NUP153: variants seen among roughly 807,000 people sequenced by gnomAD.
NUP153 encodes the protein nucleoporin 153.
NUP153 carries 27 observed loss-of-function variants against 134.6 expected under a neutral mutation model. That is an observed-to-expected ratio of 0.20 (90% CI 0.15 to 0.28). NUP153 has a LOEUF of 0.28. Ranked by LOEUF, NUP153 falls within the 10% of genes least tolerant of loss-of-function variation. The probability of loss-of-function intolerance (pLI) is 1.00; values close to 1 mark genes in which losing one functional copy is unlikely to be tolerated. For missense variants in NUP153, 1,821 were observed against 1,731.3 expected, an observed-to-expected ratio of 1.05 and a Z score of -0.92; for synonymous variants, 640 against 623.5, an observed-to-expected ratio of 1.03 and a Z score of -0.40.
rs947715155 is a variant in NUP153 at position 17,686,822 on chromosome 6, T to A, written c.334+1574A>T. ...GAAGGTAGGGAAATAGGCGTGCGAATAGAGTATAAACAAGATCAACCGTGA... is the reference window on the plus strand; with the variant it reads ...GAAGGTAGGGAAATAGGCGTGCGAAAAGAGTATAAACAAGATCAACCGTGA... On this transcript the variant is annotated intron_variant, in intron 2 of 21. Coordinates refer to ENST00000262077, the MANE Select transcript of NUP153 (RefSeq NM_005124.4). Among the ~76,000 whole-genome samples, 18 of 140,750 alleles carry A rather than the reference T, an allele frequency of 1.3e-4. No individual in the cohort carries two copies. The East Asian group carries it at 2.7e-3, about 22-fold the overall frequency. 92.3% of individuals were successfully genotyped at this position (140,750 alleles called of 152,430 possible). A position where few individuals can be genotyped will look rare whatever the true frequency, so the allele number is the denominator to read the frequency against.
intron 1 of NUP153, among the ~76,000 whole-genome samples, chr6:17,699,537 C>A (rs1431640562): frequency 1.4e-5 from 2 of 147,760 alleles, no homozygotes; most frequent in Non-Finnish European, 3.0e-5. Context: ...ATACTCTGTG[C>A]CTAATGAAAA....
At chr6:17,658,391 CTCAAAACAGAAA>C (rs1273599902) in intron 11 of NUP153, among the ~76,000 whole-genome samples, 1 of 152,172 alleles carries the variant, frequency 6.6e-6, no homozygotes, top group East Asian at 1.9e-4. Context: ...GCAAGACTGT[CTCAAAACAGAAA>C]ACAAAACAAA....
chr6:17,635,318 C>T (rs1765494066), intron 16 of NUP153, among the ~76,000 whole-genome samples: 1 of 151,958 alleles, frequency 6.6e-6, no homozygotes, highest in Non-Finnish European at 1.5e-5. Flanking sequence ...ACTGTGTTAG[C>T]CAGGATGGTC....
At chr6:17,623,320 T>G (rs961915705) in intron 20 of NUP153, among the ~76,000 whole-genome samples, 6 of 102,744 alleles carry the variant, frequency 5.8e-5, no homozygotes, top group Non-Finnish European at 1.9e-5. Flanking sequence ...AAAGAACCTC[T>G]ACAAACTTAC....
At chr6:17,639,030 C>G (rs144817609) in intron 15 of NUP153, among the ~76,000 whole-genome samples, 1 of 152,156 alleles carries the variant, frequency 6.6e-6, no homozygotes, top group Non-Finnish European at 1.5e-5. Flanking sequence ...TCTTTCTGAG[C>G]TATTAGATTA....
At chr6:17,705,091 C>T (rs1269794372) in intron 1 of NUP153, among the ~76,000 whole-genome samples, 1 of 152,194 alleles carries the variant, frequency 6.6e-6, no homozygotes, top group Non-Finnish European at 1.5e-5. Flanking sequence ...TTGATAATGA[C>T]ACAATTTAAC....
At chr6:17,644,680 C>T (rs1274811909) in intron 14 of NUP153, among the ~76,000 whole-genome samples, 3 of 152,164 alleles carry the variant, frequency 2.0e-5, no homozygotes, top group Admixed American at 6.6e-5. Flanking sequence ...CAGTGGCTCA[C>T]GTCTGTAATC....
At chr6:17,704,142 A>T (rs993168665) in intron 1 of NUP153, among the ~76,000 whole-genome samples, 2 of 152,170 alleles carry the variant, frequency 1.3e-5, no homozygotes, top group African/African-American at 4.8e-5. Context: ...AATACAAAAA[A>T]TTAGCTGGGC....
Position 17,628,931 on chromosome 6 carries a change from C to T in NUP153, c.3268G>A (p.Ala1090Thr). Residue 1090 changes from alanine to threonine, a missense_variant, in exon 18 of 22, where the codon GCC (alanine) becomes ACC (threonine). Ala to Thr is a moderately conservative substitution (Grantham distance 58, BLOSUM62 0). Transcript: ENST00000262077. The surrounding 1 kb of genome is among the most constrained non-coding windows in gnomAD (Gnocchi z 5.4). Reference sequence around the variant, plus strand: ...AACACTGAGGCAGATGGCAGAGAGGCAGGCTCCACGTTGCCAAAAGAGAAT... The same window carrying T: ...AACACTGAGGCAGATGGCAGAGAGGTAGGCTCCACGTTGCCAAAAGAGAAT... ...GGFSFGNVEPASLPSASVFVL... is the reference protein window; with the variant it reads ...GGFSFGNVEPTSLPSASVFVL... The T allele has an allele frequency of 6.2e-7, 1 of 1,614,212 alleles. No homozygotes were observed. The highest frequency in any genetic ancestry group is 8.5e-7 in the Non-Finnish European group (1 of 1,180,036).
intron 14 of NUP153, among the ~76,000 whole-genome samples, chr6:17,643,019 G>A (rs1306716144): frequency 6.6e-6 from 1 of 152,204 alleles, no homozygotes; most frequent in Non-Finnish European, 1.5e-5. Flanking sequence ...GGGGAAGGCA[G>A]AATGGGGAGC....
chr6:17,617,415 C>G (rs996536486), intron 20 of NUP153, among the ~76,000 whole-genome samples: 2 of 145,368 alleles, frequency 1.4e-5, no homozygotes, highest in Non-Finnish European at 3.0e-5. Context: ...CAAACATACC[C>G]AAAATGTTTA....
chr6:17,666,800 C>T (rs1194471789), intron 8 of NUP153, among the ~76,000 whole-genome samples: 28 of 152,234 alleles, frequency 1.8e-4, no homozygotes, highest in Non-Finnish European at 1.5e-5. Context: ...GCTTCTAACT[C>T]TGTCCAAAGA....
At chr6:17,651,658 T>C (rs1221011168) in intron 11 of NUP153, among the ~76,000 whole-genome samples, 1 of 152,204 alleles carries the variant, frequency 6.6e-6, no homozygotes, top group African/African-American at 2.4e-5. Flanking sequence ...GCTGTATTAA[T>C]ACCAAAGTAG....
chr6:17,637,611 A>G lies in NUP153; in HGVS notation c.2006T>C (p.Leu669Pro). The change falls in exon 16 of 22, where the codon CTC (leucine) becomes CCC (proline). Residue 669 changes from leucine to proline, a missense_variant. Coordinates refer to ENST00000262077, the MANE Select transcript of NUP153 (RefSeq NM_005124.4). ...GSSWQCDTCL[L>P]QNKVTDNKCI... ...TTTGTTGTCTGTAACTTTGTTCTGG[A>G]GTAGACATGTATCACACTGCCATGA... 1 of 1,614,116 alleles carries G rather than the reference A, an allele frequency of 6.2e-7. No homozygotes were observed. The highest frequency in any genetic ancestry group is 8.5e-7 in the Non-Finnish European group (1 of 1,180,018).
chr6:17,636,547 TATAATTATATA>T (rs1765561151), intron 16 of NUP153, among the ~76,000 whole-genome samples: 1 of 152,152 alleles, frequency 6.6e-6, no homozygotes, highest in African/African-American at 2.4e-5. Flanking sequence ...ATCTGTACCA[TATAATTATATA>T]ATATTACAAA....
Position 17,629,539 on chromosome 6 carries a change from C to A in NUP153, c.2660G>T (p.Gly887Val). 6.3e-7 allele frequency: 1 copy of A among 1,578,426 alleles called. No individual in the cohort carries two copies. Among genetic ancestry groups the A allele is most frequent in the Non-Finnish European group, 8.6e-7 (1 of 1,169,200 alleles). ...AKPGTKSGFK[G>V]FDTSSSSSNS... ...CGAAGATGAGGAAGATGTGTCAAAGCCTACAAAAATATAAAAGACACCACA... is the reference window on the plus strand; with the variant it reads ...CGAAGATGAGGAAGATGTGTCAAAGACTACAAAAATATAAAAGACACCACA... Residue 887 changes from glycine (G) to valine (V), a missense_variant and splice_region_variant, in exon 18 of 22, where the codon GGC (glycine) becomes GTC (valine). Coordinates refer to ENST00000262077, the MANE Select transcript of NUP153 (RefSeq NM_005124.4).
chr6:17,625,802 A>G lies in NUP153; in HGVS notation c.3901+6T>C, dbSNP rs745681103. ...TTACAATGCATTTTTTCTTTTGTAA[A>G]TGTACCTGCAGAGCTAGATGTGGTT... On this transcript the variant is annotated splice_donor_region_variant and intron_variant, in intron 19 of 21. Transcript: ENST00000262077. This position sits in a 1 kb window ranked among gnomAD's most constrained non-coding sequence, Gnocchi z 4.7. 6.3e-6 allele frequency: 10 copies of G among 1,598,550 alleles called. No homozygotes were observed. Among genetic ancestry groups the G allele is most frequent in the Middle Eastern group, 1.7e-4 (1 of 5,988 alleles).
intron 1 of NUP153, among the ~76,000 whole-genome samples, chr6:17,701,852 C>G (rs1013018792): frequency 3.0e-5 from 3 of 101,424 alleles, no homozygotes; most frequent in Non-Finnish European, 4.1e-5. Flanking sequence ...GGGAAAAAAG[C>G]TAAATGCAGG....
At chr6:17,622,289 A>C (rs111266316) in intron 20 of NUP153, among the ~76,000 whole-genome samples, 2,437 of 152,110 alleles carry the variant, frequency 0.016, 25 homozygotes, top group South Asian at 0.023. Flanking sequence ...GTCTCTACAA[A>C]CCACGCCCCC....
Sources: gnomAD v4.1 joint callset for allele counts (sites outside exome capture counted in the v4.1 genomes callset) on GRCh38, gnomAD v4.1.1 for gene constraint, Gnocchi (gnomAD v3.1) non-coding constraint, MANE v1.5 for transcripts, NCBI Gene and HGNC (gene_info 2026-07-23, HGNC 2026-07-21) for gene names.